The following IFT81 variants were observed in gnomAD, a reference collection of about 807,000 sequenced individuals.
IFT81 encodes the protein intraflagellar transport protein 81 homolog.
Under a neutral mutation model 102.6 loss-of-function variants are expected in IFT81, and 72 were observed. The observed-to-expected ratio is 0.70, with a 90% CI of 0.58 to 0.85. The LOEUF (loss-of-function observed/expected upper bound fraction) is 0.85, where lower values mean the gene tolerates loss of function less well. IFT81 is among the 40% of genes least tolerant of loss of function. The probability of loss-of-function intolerance (pLI) is 0.00; values close to 1 mark genes in which losing one functional copy is unlikely to be tolerated. For synonymous variants in IFT81, 237 were observed against 242.7 expected (o/e 0.98, Z 0.22); for missense variants, 723 against 787.3 (o/e 0.92, Z 0.98).
chr12:110,177,353 G>T (rs964195542), intron 11 of IFT81, among the ~76,000 whole-genome samples: 9 of 152,162 alleles, frequency 5.9e-5, no homozygotes, highest in Admixed American at 5.2e-4. Flanking sequence ...CACAATCTCG[G>T]CTCACTGCAA....
rs1895016281 is a variant in IFT81 at position 110,143,434 on chromosome 12, T to A, written c.834T>A (p.Thr278=). 1 of 1,519,964 alleles carries A rather than the reference T, an allele frequency of 6.6e-7. No individual in the cohort carries two copies. The highest frequency in any genetic ancestry group is 8.8e-7 in the Non-Finnish European group (1 of 1,135,480). 94.2% of individuals were successfully genotyped at this position (1,519,964 alleles called of 1,614,324 possible). A position where few individuals can be genotyped will look rare whatever the true frequency, so the allele number is the denominator to read the frequency against. The change falls in exon 9 of 19, where the codon ACT becomes ACA. Residue 278 remains threonine (T), a synonymous_variant. Transcript: ENST00000242591. ...TAAAATTTAATTTATATATGGTAAC[T>A]GAAAAATTTCCTAAAGAATTAGAAA... ...EEIKFNLYMV[T]EKFPKELENK...
chr12:110,189,506 A>G (rs547777329), intron 12 of IFT81, among the ~76,000 whole-genome samples: 138 of 151,872 alleles, frequency 9.1e-4, no homozygotes, highest in African/African-American at 3.3e-3. Flanking sequence ...CCACCAACAC[A>G]TCTGGCTAAT....
chr12:110,210,994 T>C (rs1869341174), intron 18 of IFT81, among the ~76,000 whole-genome samples: 1 of 148,056 alleles, frequency 6.8e-6, no homozygotes, highest in South Asian at 2.2e-4. Context: ...TAGCTGGGAC[T>C]ACAGGAGCAT....
At position 110,135,078 on chromosome 12, in the gene IFT81, A is replaced by G; in HGVS notation, c.585+65A>G. On this transcript the variant is annotated intron_variant, in intron 6 of 18. Coordinates refer to ENST00000242591, the MANE Select transcript of IFT81 (RefSeq NM_014055.4). ...CCCAAGGACTTGCAAAGATTTAGGA[A>G]TGCAAATAAAGATTCAGCCAAGCAT... is the stretch of plus-strand genomic sequence containing the variant. 2.5e-6 allele frequency: 3 copies of G among 1,214,296 alleles called. No homozygotes were observed. In the Admixed American group the frequency reaches 6.5e-5, roughly 26 times the overall value. The allele number at this position is 1,214,296 out of a possible 1,614,324, so 75.2% of individuals were successfully genotyped here. A position where few individuals can be genotyped will look rare whatever the true frequency, so the allele number is the denominator to read the frequency against.
chr12:110,198,812 C>CT (rs200267159), intron 14 of IFT81, among the ~76,000 whole-genome samples: 191 of 141,700 alleles, frequency 1.3e-3, no homozygotes, highest in Non-Finnish European at 1.2e-3. Flanking sequence ...TTCTTTCTTT[C>CT]TTTTTTTTTT....
rs1894433633 is a variant in IFT81 at position 110,135,441 on chromosome 12, T to G, written c.696+4T>G. The G allele has an allele frequency of 6.5e-7, 1 of 1,543,318 alleles. No individual in the cohort carries two copies. The highest frequency in any genetic ancestry group is 8.9e-7 in the Non-Finnish European group (1 of 1,119,484). The stretch of plus-strand genomic sequence containing the variant: ...GAAACAGGAACAAAAGAATCAGGTA[T>G]CCACATAAAAGTTTATATTCTCAGT... On this transcript the variant is annotated splice_donor_region_variant and intron_variant, in intron 7 of 18. Coordinates refer to ENST00000242591, the MANE Select transcript of IFT81 (RefSeq NM_014055.4).
rs1347204320 is a variant in IFT81, at chr12:110,127,530, A to G, written c.144+6A>G. ...TGGCTGAGATTGACCCAAAGGTAAG[A>G]GTTTTCTCTTTCTTTTTGATGGGTA... On this transcript the variant is annotated splice_donor_region_variant and intron_variant, in intron 2 of 18. Transcript: ENST00000242591. The G allele has an allele frequency of 6.3e-7, 1 of 1,582,138 alleles. No homozygotes were observed. The highest frequency in any genetic ancestry group is 8.5e-7 in the Non-Finnish European group (1 of 1,170,118).
At chr12:110,152,491 G>A (rs1895595966) in intron 10 of IFT81, among the ~76,000 whole-genome samples, 1 of 151,984 alleles carries the variant, frequency 6.6e-6, no homozygotes, top group African/African-American at 2.4e-5. Flanking sequence ...GTTTAATCAG[G>A]TTATCTGTTT....
At chr12:110,127,264 C>T (rs1893900935) in intron 1 of IFT81, 96 bp from the exon 2 acceptor site, 1 of 1,132,496 alleles carries the variant, frequency 8.8e-7, no homozygotes, top group African/African-American at 1.6e-5. Flanking sequence ...TAAAATTATA[C>T]TTTTCATGCC....
chr12:110,206,561 G>A (rs1868652327), intron 17 of IFT81, among the ~76,000 whole-genome samples: 1 of 151,910 alleles, frequency 6.6e-6, no homozygotes, highest in Admixed American at 6.6e-5. Context: ...CGTAGTCCCA[G>A]CTACTTAGGA....
intron 8 of IFT81, 39 bp downstream of exon 8, chr12:110,136,899 A>C: frequency 8.2e-7 from 1 of 1,218,130 alleles, no homozygotes; most frequent in Non-Finnish European, 1.2e-6. Context: ...TGATTAGAAA[A>C]TATTAATTTA....
intron 5 of IFT81, among the ~76,000 whole-genome samples, chr12:110,134,388 T>G (rs116533538): frequency 0.021 from 3,253 of 152,300 alleles, 103 homozygotes; most frequent in African/African-American, 0.074. Context: ...TTTATTTGTT[T>G]GTTTTTATAA....
At chr12:110,174,869 A>G (rs1896972093) in intron 11 of IFT81, among the ~76,000 whole-genome samples, 2 of 152,234 alleles carry the variant, frequency 1.3e-5, no homozygotes, top group Admixed American at 1.3e-4. Context: ...TGAAGCCAGA[A>G]GCTAGCACTA....
chr12:110,172,375 C>T (rs866346978), intron 11 of IFT81, among the ~76,000 whole-genome samples: 8 of 124,270 alleles, frequency 6.4e-5, no homozygotes, highest in African/African-American at 9.8e-5. Flanking sequence ...CCTCTCCCCA[C>T]GGTCTCCCTC....
intron 17 of IFT81, among the ~76,000 whole-genome samples, chr12:110,206,271 T>C (rs2137590443): frequency 6.6e-6 from 1 of 152,254 alleles, no homozygotes; most frequent in South Asian, 2.1e-4. Context: ...TATGGTGCTT[T>C]TTTTGCAATC....
intron 7 of IFT81, 82 bp downstream of exon 7, chr12:110,135,519 A>G: frequency 1.2e-6 from 1 of 810,156 alleles, no homozygotes; most frequent in South Asian, 1.7e-5. Flanking sequence ...AGAGTTTTAA[A>G]ATTGTAGACG....
At chr12:110,195,103 A>T (rs1214417281) in intron 14 of IFT81, among the ~76,000 whole-genome samples, 1 of 152,186 alleles carries the variant, frequency 6.6e-6, no homozygotes, top group African/African-American at 2.4e-5. Flanking sequence ...TATATTTATT[A>T]ATATGCAGAT....
Position 110,205,690 on chromosome 12 carries a change from T to C in IFT81, c.1802+10T>C. 1 of 1,548,598 alleles carries C rather than the reference T, an allele frequency of 6.5e-7. No individual in the cohort carries two copies. Among genetic ancestry groups the C allele is most frequent in the Non-Finnish European group, 8.8e-7 (1 of 1,142,106 alleles). ...AAAGAAAGGCAATTAGGCAAGTGAT[T>C]TTGTTGTTTTATATTGAGATACTTA... On this transcript the variant is annotated intron_variant, in intron 17 of 18. Coordinates refer to ENST00000242591, the MANE Select transcript of IFT81 (RefSeq NM_014055.4).
intron 14 of IFT81, among the ~76,000 whole-genome samples, chr12:110,197,047 A>AT: frequency 6.6e-6 from 1 of 152,232 alleles, no homozygotes; most frequent in East Asian, 1.9e-4. Flanking sequence ...AAAAGTAAAA[A>AT]AATTAGCTGA....
Sources: gnomAD v4.1 joint callset for allele counts (sites outside exome capture counted in the v4.1 genomes callset) on GRCh38, gnomAD v4.1.1 for gene constraint, MANE v1.5 for transcripts, NCBI Gene and HGNC (gene_info 2026-07-23, HGNC 2026-07-21) for gene names.